PDCD6IP: variants seen among roughly 807,000 people sequenced by gnomAD.
PDCD6IP encodes the protein programmed cell death 6-interacting protein.
Under a neutral mutation model 103.7 loss-of-function variants are expected in PDCD6IP, and 43 were observed. The ratio of observed to expected loss-of-function variants is 0.41; its 90% CI spans 0.32 to 0.53. The LOEUF is 0.53. PDCD6IP is among the 20% of genes least tolerant of loss of function. The pLI, the probability that PDCD6IP is intolerant of heterozygous loss-of-function variation, is 0.16. For synonymous variants in PDCD6IP, 354 were observed against 378.7 expected (o/e 0.93, Z 0.76); for missense variants, 871 against 1,036.7 (o/e 0.84, Z 2.20).
chr3:33,827,276 G>A, intron 6 of PDCD6IP: 3 of 842,762 alleles, frequency 3.6e-6, no homozygotes, highest in Non-Finnish European at 4.3e-6. Flanking sequence ...TGAAATATAT[G>A]TTTCAACTAC....
chr3:33,838,160 T>A (rs1015753222), intron 8 of PDCD6IP, 44 bp from the exon 9 acceptor site: 2 of 1,587,824 alleles, frequency 1.3e-6, no homozygotes, highest in Admixed American at 3.4e-5. Context: ...ACAGTTCGGG[T>A]TTTTGTCTAA....
rs1430695934 is a variant in PDCD6IP at position 33,868,563 on chromosome 3, G to T, written c.*2038G>T. 6.6e-6 allele frequency: 1 copy of T among 152,450 alleles called. No individual in the cohort carries two copies. The highest frequency in any genetic ancestry group is 1.5e-5 in the Non-Finnish European group (1 of 68,044). 9.4% of individuals were successfully genotyped at this position (152,450 alleles called of 1,614,324 possible). A position where few individuals can be genotyped will look rare whatever the true frequency, so the allele number is the denominator to read the frequency against. Reference sequence around the variant, plus strand: ...TAGCAACACAAACCCTTTCCCTCTTGTCAGTTCACTCATCCTTTGGTTTCT... The same window carrying T: ...TAGCAACACAAACCCTTTCCCTCTTTTCAGTTCACTCATCCTTTGGTTTCT... On this transcript the variant is annotated 3_prime_UTR_variant, in exon 18 of 18. Transcript: ENST00000307296.
intron 9 of PDCD6IP, among the ~76,000 whole-genome samples, chr3:33,840,169 TTGTATA>T (rs1697437087): frequency 6.6e-6 from 1 of 152,034 alleles, no homozygotes; most frequent in Non-Finnish European, 1.5e-5. Context: ...AACACATACT[TTGTATA>T]TGTATTATAT....
chr3:33,810,868 C>T (rs1285184881), intron 1 of PDCD6IP, among the ~76,000 whole-genome samples: 9 of 151,008 alleles, frequency 6.0e-5, no homozygotes, highest in Non-Finnish European at 1.3e-4. Flanking sequence ...TGGAGTTATT[C>T]TAACCTTCTG....
At chr3:33,809,472 T>C (rs1396724883) in intron 1 of PDCD6IP, among the ~76,000 whole-genome samples, 1 of 152,236 alleles carries the variant, frequency 6.6e-6, no homozygotes, top group African/African-American at 2.4e-5. Flanking sequence ...GATAGCCATA[T>C]CCTGTAAGAC....
At chr3:33,824,443 A>G (rs1217654710) in intron 4 of PDCD6IP, among the ~76,000 whole-genome samples, 1 of 151,930 alleles carries the variant, frequency 6.6e-6, no homozygotes, top group Non-Finnish European at 1.5e-5. Flanking sequence ...TTTTTAGTAG[A>G]GACGGGGTTT....
At chr3:33,858,854 T>TATGCTTTTGATATGCAAAC (rs538324329) in intron 15 of PDCD6IP, among the ~76,000 whole-genome samples, 3 of 152,106 alleles carry the variant, frequency 2.0e-5, no homozygotes, top group Non-Finnish European at 4.4e-5. Context: ...CATGCATTCA[T>TATGCTTTTGATATGCAAAC]ATGCTTTTGA....
Position 33,798,692 on chromosome 3 carries a change from G to C in PDCD6IP, c.-37G>C. The C allele has an allele frequency of 6.7e-7, 1 of 1,500,726 alleles. No individual in the cohort carries two copies. Among genetic ancestry groups the C allele is most frequent in the Non-Finnish European group, 9.0e-7 (1 of 1,114,082 alleles). The allele number at this position is 1,500,726 out of a possible 1,614,324, so 93.0% of individuals were successfully genotyped here. ...TCCTCGGCCCTCGTAAGCTGTCCGCGGTCTGTTTGGCCCGAACGGCGGCGG... is the reference window on the plus strand; with the variant it reads ...TCCTCGGCCCTCGTAAGCTGTCCGCCGTCTGTTTGGCCCGAACGGCGGCGG... On this transcript the variant is annotated 5_prime_UTR_variant, in exon 1 of 18. Transcript: ENST00000307296.
chr3:33,807,868 GAA>G (rs1559771294), intron 1 of PDCD6IP, among the ~76,000 whole-genome samples: 1 of 152,224 alleles, frequency 6.6e-6, no homozygotes, highest in Admixed American at 6.5e-5. Flanking sequence ...TCACTGTTCA[GAA>G]AAAGTTTGCC....
At chr3:33,822,227 T>C in intron 4 of PDCD6IP, 145 bp downstream of exon 4, 1 of 833,406 alleles carries the variant, frequency 1.2e-6, no homozygotes, top group East Asian at 2.7e-5. Context: ...TTATTCTTAC[T>C]GTTAAAGCCC....
At chr3:33,820,287 G>GAA (rs71070156) in intron 3 of PDCD6IP, among the ~76,000 whole-genome samples, 1 of 151,936 alleles carries the variant, frequency 6.6e-6, no homozygotes, top group Non-Finnish European at 1.5e-5. Flanking sequence ...TGTCTCAAAA[G>GAA]AAAAAAACAA....
chr3:33,845,639 T>C (rs751174750), intron 12 of PDCD6IP, 51 bp downstream of exon 12: 21 of 1,408,024 alleles, frequency 1.5e-5, no homozygotes, highest in Non-Finnish European at 2.0e-5. Context: ...AAAACCACAT[T>C]CAAGCCATTT....
chr3:33,861,459 TACAAC>T (rs1311502032), intron 15 of PDCD6IP, among the ~76,000 whole-genome samples: 1 of 152,152 alleles, frequency 6.6e-6, no homozygotes, highest in Non-Finnish European at 1.5e-5. Flanking sequence ...ATTTTATACT[TACAAC>T]ACATCTCAAT....
At chr3:33,840,872 T>G (rs563136822) in intron 9 of PDCD6IP, among the ~76,000 whole-genome samples, 2 of 152,340 alleles carry the variant, frequency 1.3e-5, no homozygotes, top group South Asian at 4.1e-4. Context: ...TGTTTCTGAC[T>G]TGTTAGAGAT....
At chr3:33,852,787 A>G (rs1040394172) in intron 13 of PDCD6IP, 51 bp downstream of exon 13, 1 of 1,524,352 alleles carries the variant, frequency 6.6e-7, no homozygotes, top group Non-Finnish European at 8.8e-7. Flanking sequence ...TACAGAAAAG[A>G]TATGTCTGGA....
Position 33,866,445 on chromosome 3 carries a change from C to T in PDCD6IP, c.2527C>T (p.Gln843Ter). 1 of 1,611,728 alleles carries T rather than the reference C, an allele frequency of 6.2e-7. No individual in the cohort carries two copies. The highest frequency in any genetic ancestry group is 1.1e-5 in the South Asian group (1 of 90,494). The part of the protein sequence containing the change: ...YPPVYHQSPG[Q>*]APYPGPQQPS... ...ACCAGTGTATCACCAGAGTCCTGGACAGGCTCCATACCCGGGACCCCAGCA... is the reference window on the plus strand; with the variant it reads ...ACCAGTGTATCACCAGAGTCCTGGATAGGCTCCATACCCGGGACCCCAGCA... The change falls in exon 18 of 18, where the codon CAG (glutamine) becomes TAG (stop). Residue 843 changes from glutamine (Q) to a stop codon, truncating the protein, a stop_gained. Coordinates refer to ENST00000307296, the MANE Select transcript of PDCD6IP (RefSeq NM_013374.6). LOFTEE classifies it high-confidence loss of function.
intron 10 of PDCD6IP, among the ~76,000 whole-genome samples, chr3:33,843,133 C>T (rs1378546261): frequency 3.9e-5 from 6 of 152,164 alleles, no homozygotes; most frequent in Admixed American, 3.3e-4. Flanking sequence ...GATCAGGAAT[C>T]TCAGATAATA....
At chr3:33,810,034 A>G (rs1696681448) in intron 1 of PDCD6IP, among the ~76,000 whole-genome samples, 1 of 152,208 alleles carries the variant, frequency 6.6e-6, no homozygotes, top group Non-Finnish European at 1.5e-5. Flanking sequence ...CTTACAGTTA[A>G]TAAGCTTGTT....
rs943505286 is a variant in PDCD6IP, at chr3:33,864,431, G to T, written c.2244+302G>T. On this transcript the variant is annotated intron_variant, in intron 16 of 17. Coordinates refer to ENST00000307296, the MANE Select transcript of PDCD6IP (RefSeq NM_013374.6). ...ACAATTGGACAAATCTTTCACATGGGACATTTATATGAAATAACTGAGTTG... is the reference window on the plus strand; with the variant it reads ...ACAATTGGACAAATCTTTCACATGGTACATTTATATGAAATAACTGAGTTG... Among the ~76,000 whole-genome samples the T allele has an allele frequency of 8.0e-5, 12 of 150,150 alleles. No individual in the cohort carries two copies. In the Middle Eastern group the frequency reaches 0.021, roughly 257 times the overall value.
Sources: gnomAD v4.1 joint callset for allele counts (sites outside exome capture counted in the v4.1 genomes callset) on GRCh38, gnomAD v4.1.1 for gene constraint, MANE v1.5 for transcripts, NCBI Gene and HGNC (gene_info 2026-07-23, HGNC 2026-07-21) for gene names.